The following SLCO5A1 variants were observed in gnomAD, a reference collection of about 807,000 sequenced individuals.
SLCO5A1 encodes the protein solute carrier organic anion transporter family member 5A1, also known as organic anion transporter polypeptide-related protein 4.
A neutral mutation model predicts 65.1 loss-of-function variants in SLCO5A1; 39 were observed. The observed-to-expected ratio is 0.60, with a 90% CI of 0.46 to 0.78. SLCO5A1 has a LOEUF of 0.78. Among genes scored for constraint, SLCO5A1 ranks in the 30% least tolerant of loss-of-function variants. The pLI is 0.00. For synonymous variants in SLCO5A1, 438 were observed against 415.7 expected (o/e 1.05, Z -0.65); for missense variants, 1,029 against 1,069.4 (o/e 0.96, Z 0.53).
At chr8:69,723,141 T>A (rs1004967631) in intron 5 of SLCO5A1, among the ~76,000 whole-genome samples, 1 of 150,534 alleles carries the variant, frequency 6.6e-6, no homozygotes, top group Non-Finnish European at 1.5e-5. Flanking sequence ...GATGTATTTG[T>A]TTTGCATAAC....
chr8:69,824,226 C>A (rs1433230445), intron 2 of SLCO5A1, among the ~76,000 whole-genome samples: 1 of 151,880 alleles, frequency 6.6e-6, no homozygotes, highest in East Asian at 1.9e-4. Flanking sequence ...ACTAGAGAAG[C>A]AAGAGCAAAC....
chr8:69,751,649 C>T (rs181073663), intron 4 of SLCO5A1, among the ~76,000 whole-genome samples: 231 of 151,928 alleles, frequency 1.5e-3, no homozygotes, highest in Non-Finnish European at 2.4e-3. Context: ...CCGGTTCAAG[C>T]GATTCTCCTG....
intron 8 of SLCO5A1, 92 bp downstream of exon 8, chr8:69,679,286 T>C (rs1451819234): frequency 6.5e-7 from 1 of 1,547,846 alleles, no homozygotes; most frequent in Non-Finnish European, 8.8e-7. Context: ...TGCTTTGCTC[T>C]CTGATTTACC....
intron 2 of SLCO5A1, among the ~76,000 whole-genome samples, chr8:69,769,612 A>C (rs1211885518): frequency 6.6e-6 from 1 of 152,228 alleles, no homozygotes; most frequent in Non-Finnish European, 1.5e-5. Flanking sequence ...TTTTGTATAG[A>C]TAACATACAT....
chr8:69,726,257 C>T (rs1201675719), intron 5 of SLCO5A1, among the ~76,000 whole-genome samples: 9 of 152,116 alleles, frequency 5.9e-5, no homozygotes, highest in Non-Finnish European at 1.3e-4. Context: ...TTTCTTTTTT[C>T]CCACTAAGAG....
intron 2 of SLCO5A1, among the ~76,000 whole-genome samples, chr8:69,775,995 C>T (rs1818534964): frequency 6.6e-6 from 1 of 151,896 alleles, no homozygotes; most frequent in Admixed American, 6.6e-5. Flanking sequence ...GCCTGGATGA[C>T]CAAGACCCTG....
chr8:69,778,963 C>A (rs934772347), intron 2 of SLCO5A1, among the ~76,000 whole-genome samples: 12 of 152,166 alleles, frequency 7.9e-5, no homozygotes, highest in South Asian at 2.1e-4. Context: ...GGTTAACAAA[C>A]TACCAGCAGA....
chr8:69,815,456 G>A (rs1044110819), intron 2 of SLCO5A1, among the ~76,000 whole-genome samples: 10 of 151,946 alleles, frequency 6.6e-5, no homozygotes, highest in African/African-American at 2.4e-4. Flanking sequence ...GCTCTCATTT[G>A]TTTTTAAGAA....
At chr8:69,680,518 T>C (rs867462411) in intron 7 of SLCO5A1, among the ~76,000 whole-genome samples, 87 of 152,372 alleles carry the variant, frequency 5.7e-4, no homozygotes, top group African/African-American at 2.0e-3. Flanking sequence ...TCACATTTTC[T>C]TTATGGAATT....
intron 6 of SLCO5A1, among the ~76,000 whole-genome samples, chr8:69,703,067 C>A (rs13268344): frequency 0.11 from 16,743 of 146,828 alleles, 1,180 homozygotes; most frequent in Non-Finnish European, 0.16. Flanking sequence ...GCCATGACTG[C>A]ACCATTGCAC....
chr8:69,713,561 C>A (rs1206864107), intron 5 of SLCO5A1: 1 of 152,210 alleles, frequency 6.6e-6, no homozygotes, highest in Admixed American at 6.5e-5. Context: ...ACTGTGATAA[C>A]TGATCTAAAT....
rs543591239 is a variant in SLCO5A1, at chr8:69,710,679, C to A, written c.1424-5450G>T. On this transcript the variant is annotated intron_variant, in intron 5 of 9. Transcript: ENST00000260126. ...CTACAGCCTCAGGATAACAAATCTC[C>A]GTGCTGGTAGCTGAGTCATAATTAA... 2.6e-5 allele frequency among the ~76,000 whole-genome samples: 4 copies of A among 152,280 alleles called. No homozygotes were observed. In the Middle Eastern group the frequency reaches 0.014, roughly 518 times the overall value.
At chr8:69,812,106 G>T (rs1820228769) in intron 2 of SLCO5A1, among the ~76,000 whole-genome samples, 1 of 152,138 alleles carries the variant, frequency 6.6e-6, no homozygotes, top group Non-Finnish European at 1.5e-5. Flanking sequence ...ACTTGCTGGA[G>T]GTCACGAAGC....
intron 6 of SLCO5A1, among the ~76,000 whole-genome samples, chr8:69,691,672 G>A (rs1490106942): frequency 6.6e-6 from 1 of 152,084 alleles, no homozygotes; most frequent in Non-Finnish European, 1.5e-5. Flanking sequence ...TCTTTTTTAA[G>A]GCTGAATAGT....
intron 5 of SLCO5A1, among the ~76,000 whole-genome samples, chr8:69,735,649 C>A (rs541168032): frequency 6.6e-6 from 1 of 152,142 alleles, no homozygotes; most frequent in Non-Finnish European, 1.5e-5. Flanking sequence ...AGGGGAACAA[C>A]ACACACTGGG....
At chr8:69,790,191 C>G (rs372669848) in intron 2 of SLCO5A1, among the ~76,000 whole-genome samples, 1 of 53,726 alleles carries the variant, frequency 1.9e-5, no homozygotes, top group African/African-American at 5.5e-5. Flanking sequence ...GACTCCTTCT[C>G]AAAAAAAAAA....
Position 69,807,608 on chromosome 8 carries a change from G to A in SLCO5A1, c.907+24159C>T, listed in dbSNP as rs1388916692. 3.3e-5 allele frequency among the ~76,000 whole-genome samples: 5 copies of A among 152,206 alleles called. No individual in the cohort carries two copies. The South Asian group carries it at 1.0e-3, about 31-fold the overall frequency. Reference sequence around the variant, plus strand: ...TTCCATATTTAAGTGAGCTCATGTAGTATGTGTTTCTCTTTACCTGGCTTA... The same window carrying A: ...TTCCATATTTAAGTGAGCTCATGTAATATGTGTTTCTCTTTACCTGGCTTA... On this transcript the variant is annotated intron_variant, in intron 2 of 9. Transcript: ENST00000260126.
At chr8:69,830,210 G>A (rs1308253996) in intron 2 of SLCO5A1, among the ~76,000 whole-genome samples, 1 of 151,994 alleles carries the variant, frequency 6.6e-6, no homozygotes, top group Non-Finnish European at 1.5e-5. Flanking sequence ...CAGCTTTTGG[G>A]GACAGTAAAC....
intron 2 of SLCO5A1, among the ~76,000 whole-genome samples, chr8:69,779,759 G>A (rs1818719599): frequency 1.3e-5 from 2 of 151,928 alleles, no homozygotes; most frequent in South Asian, 4.2e-4. Context: ...TCATTTAAGG[G>A]CACATTTCTC....
Sources: allele counts gnomAD v4.1 joint callset (sites outside exome capture counted in the v4.1 genomes callset), GRCh38; gene constraint gnomAD v4.1.1; transcripts MANE v1.5; gene names NCBI Gene and HGNC (gene_info 2026-07-23, HGNC 2026-07-21).